The following LGR6 variants were observed in gnomAD, a reference collection of about 807,000 sequenced individuals.
The protein encoded by LGR6 is leucine-rich repeat-containing G protein-coupled receptor 6.
Under a neutral mutation model 69.4 loss-of-function variants are expected in LGR6, and 45 were observed. The observed-to-expected ratio is 0.65, with a 90% CI of 0.51 to 0.83. The LOEUF (loss-of-function observed/expected upper bound fraction) is 0.83, where lower values mean the gene tolerates loss of function less well. Ranked by LOEUF, LGR6 falls within the 40% of genes least tolerant of loss-of-function variation. The probability of loss-of-function intolerance (pLI) is 0.00; values close to 1 mark genes in which losing one functional copy is unlikely to be tolerated. For missense variants in LGR6, 1,108 were observed against 1,246.7 expected, an observed-to-expected ratio of 0.89 and a Z score of 1.68; for synonymous variants, 538 against 555.0, an observed-to-expected ratio of 0.97 and a Z score of 0.43.
intron 7 of LGR6, among the ~76,000 whole-genome samples, chr1:202,299,429 AAAT>A (rs1182856396): frequency 1.3e-5 from 2 of 152,158 alleles, no homozygotes; most frequent in African/African-American, 4.8e-5. Context: ...TTGAGCCGGG[AAAT>A]AATAAAACAT....
chr1:202,276,300 C>A lies in LGR6; in HGVS notation c.429-6C>A, dbSNP rs772365205. 1.5e-5 allele frequency: 24 copies of A among 1,612,042 alleles called. No homozygotes were observed. Among genetic ancestry groups the A allele is most frequent in the Non-Finnish European group, 1.4e-5 (16 of 1,178,618 alleles). ...ATTGACCCCTCTCCATCCTCTCTTC[C>A]ACCAGGCGCCTAGATGCCAACCTCA... is the stretch of plus-strand genomic sequence containing the variant. On this transcript the variant is annotated splice_polypyrimidine_tract_variant and splice_region_variant and intron_variant, in intron 4 of 17. Transcript: ENST00000367278.
intron 1 of LGR6, among the ~76,000 whole-genome samples, chr1:202,219,301 G>A (rs944089765): frequency 4.6e-5 from 7 of 152,304 alleles, no homozygotes; most frequent in South Asian, 2.1e-4. Context: ...ATATGTGCCC[G>A]GCTCAGCCTG....
chr1:202,202,189 G>A (rs990130221), intron 1 of LGR6, among the ~76,000 whole-genome samples: 1 of 152,108 alleles, frequency 6.6e-6, no homozygotes, highest in African/African-American at 2.4e-5. Flanking sequence ...ACCACATTGG[G>A]GCTTTTGTAC....
At chr1:202,290,991 A>G (rs1270570394) in intron 6 of LGR6, among the ~76,000 whole-genome samples, 2 of 152,352 alleles carry the variant, frequency 1.3e-5, no homozygotes, top group East Asian at 3.9e-4. Flanking sequence ...GAAGTTGGCC[A>G]TTTCTGCACA....
rs1483029660 is a variant in LGR6 at position 202,205,460 on chromosome 1, CCAAACACACACACACCTCCTT to C, written c.212+11276_212+11296del. ...ACCTCCTTCAAACACACACACACCT[CCAAACACACACACACCTCCTT>C]CAAACACACACACACCCTGCTTCAA... On this transcript the variant is annotated intron_variant, in intron 1 of 17. Coordinates refer to ENST00000367278, the MANE Select transcript of LGR6 (RefSeq NM_001017403.2). Among the ~76,000 whole-genome samples the C allele has an allele frequency of 4.7e-3, 128 of 27,206 alleles. 1 individual carries two copies. The highest frequency in any genetic ancestry group is 0.011 in the African/African-American group (122 of 11,086). The allele number at this position is 27,206 out of a possible 152,430, so 17.8% of individuals were successfully genotyped here. A position where few individuals can be genotyped will look rare whatever the true frequency, so the allele number is the denominator to read the frequency against.
intron 4 of LGR6, among the ~76,000 whole-genome samples, chr1:202,257,744 T>C (rs1663892996): frequency 6.6e-6 from 1 of 152,134 alleles, no homozygotes; most frequent in South Asian, 2.1e-4. Flanking sequence ...AGTTTTGAAA[T>C]TGGGAAGGGT....
chr1:202,207,771 G>A (rs1454452230), intron 1 of LGR6, among the ~76,000 whole-genome samples: 1 of 152,196 alleles, frequency 6.6e-6, no homozygotes, highest in African/African-American at 2.4e-5. Flanking sequence ...CTTGTTAAAT[G>A]AGTTAATATA....
chr1:202,226,499 C>T (rs1571842325), intron 2 of LGR6, among the ~76,000 whole-genome samples: 1 of 152,148 alleles, frequency 6.6e-6, no homozygotes, highest in East Asian at 1.9e-4. Flanking sequence ...CAGACCTTGC[C>T]ACCGTGACCC....
rs1359277000 is a variant in LGR6 at position 202,319,357 on chromosome 1, C to G, written c.*150C>G. On this transcript the variant is annotated 3_prime_UTR_variant, in exon 18 of 18. Coordinates refer to ENST00000367278, the MANE Select transcript of LGR6 (RefSeq NM_001017403.2). ...GTCCCTGGCTCCACTGATCACCTCT[C>G]TCCTGTGACCATCACCAACGGGTGC... 2.4e-6 allele frequency: 2 copies of G among 831,244 alleles called. No homozygotes were observed. Among genetic ancestry groups the G allele is most frequent in the Non-Finnish European group, 3.6e-6 (2 of 561,600 alleles). The allele number at this position is 831,244 out of a possible 1,614,324, so 51.5% of individuals were successfully genotyped here.
At chr1:202,315,509 T>G (rs1423473150) in intron 17 of LGR6, among the ~76,000 whole-genome samples, 1 of 152,248 alleles carries the variant, frequency 6.6e-6, no homozygotes, top group East Asian at 1.9e-4. Context: ...TTGAGACATT[T>G]AGAGTGAGGA....
intron 4 of LGR6, among the ~76,000 whole-genome samples, chr1:202,261,545 C>T (rs1044150789): frequency 3.3e-5 from 5 of 152,102 alleles, no homozygotes; most frequent in African/African-American, 7.2e-5. Context: ...AATAAACATA[C>T]GTGTGCATGT....
At chr1:202,256,313 G>C (rs1363717488) in intron 4 of LGR6, among the ~76,000 whole-genome samples, 2 of 151,944 alleles carry the variant, frequency 1.3e-5, no homozygotes, top group African/African-American at 2.4e-5. Flanking sequence ...GTGCGATCTT[G>C]GCTCACTGCA....
intron 4 of LGR6, among the ~76,000 whole-genome samples, chr1:202,274,007 A>G (rs1665333989): frequency 6.6e-6 from 1 of 152,172 alleles, no homozygotes; most frequent in African/African-American, 2.4e-5. Context: ...TCCCATGGAA[A>G]GGGCCTTTCC....
chr1:202,253,469 A>G (rs1485099668), intron 4 of LGR6, among the ~76,000 whole-genome samples: 3 of 149,760 alleles, frequency 2.0e-5, no homozygotes, highest in South Asian at 4.3e-4. Flanking sequence ...TGCCTGGCTA[A>G]TTTTTTGTAT....
At chr1:202,231,908 C>A (rs141753923) in intron 3 of LGR6, among the ~76,000 whole-genome samples, 2,409 of 152,270 alleles carry the variant, frequency 0.016, 24 homozygotes, top group South Asian at 0.04. Flanking sequence ...GTCTGGCCAA[C>A]TTGGTGAAAG....
At chr1:202,239,293 C>G (rs1305211662) in intron 4 of LGR6, among the ~76,000 whole-genome samples, 1 of 151,484 alleles carries the variant, frequency 6.6e-6, no homozygotes, top group African/African-American at 2.4e-5. Flanking sequence ...CAAGTAAATT[C>G]TGAAGAATTT....
chr1:202,230,068 C>T (rs918193985), intron 3 of LGR6, among the ~76,000 whole-genome samples: 1 of 152,152 alleles, frequency 6.6e-6, no homozygotes, highest in African/African-American at 2.4e-5. Flanking sequence ...AGCTACTCCC[C>T]AGTCTTCTCT....
At chr1:202,304,481 G>A (rs1257972672) in intron 10 of LGR6, 78 bp from the exon 11 acceptor site, 8 of 1,020,360 alleles carry the variant, frequency 7.8e-6, no homozygotes, top group Non-Finnish European at 1.1e-5. Flanking sequence ...ACAGTATCAG[G>A]TCCAGAGCTG....
chr1:202,242,407 G>A (rs564916157), intron 4 of LGR6, among the ~76,000 whole-genome samples: 2 of 152,126 alleles, frequency 1.3e-5, no homozygotes, highest in East Asian at 3.8e-4. Context: ...TAGCTACGAG[G>A]CCATGGCAAG....
Sources: gnomAD v4.1 joint callset for allele counts (sites outside exome capture counted in the v4.1 genomes callset) on GRCh38, gnomAD v4.1.1 for gene constraint, MANE v1.5 for transcripts, NCBI Gene and HGNC (gene_info 2026-07-23, HGNC 2026-07-21) for gene names.